Variants in SDK1 observed in about 807,000 individuals in gnomAD.
SDK1 encodes the protein sidekick cell adhesion molecule 1, also known as protein sidekick-1.
In SDK1, 157 loss-of-function variants were observed where a neutral mutation model predicts 245.5. That is an observed-to-expected ratio of 0.64 (90% CI 0.56 to 0.73). The LOEUF is 0.73. SDK1 is among the 30% of genes least tolerant of loss of function. SDK1 has a pLI of 0.00. For missense variants in SDK1, 3,583 were observed against 3,002.3 expected, an observed-to-expected ratio of 1.19 and a Z score of -4.52; for synonymous variants, 1,647 against 1,278.5, an observed-to-expected ratio of 1.29 and a Z score of -6.15.
At chr7:3,988,446 A>C (rs1189295847) in intron 14 of SDK1, among the ~76,000 whole-genome samples, 1 of 151,966 alleles carries the variant, frequency 6.6e-6, no homozygotes, top group African/African-American at 2.4e-5. Flanking sequence ...GATCTTCCTG[A>C]GATATACCCA....
At chr7:3,897,847 T>C (rs1781654521) in intron 5 of SDK1, among the ~76,000 whole-genome samples, 1 of 152,136 alleles carries the variant, frequency 6.6e-6, no homozygotes, top group Non-Finnish European at 1.5e-5. Context: ...CATATTCCTT[T>C]CCTTTTTTCT....
chr7:4,195,701 C>T (rs1783536520), intron 35 of SDK1, among the ~76,000 whole-genome samples: 1 of 152,202 alleles, frequency 6.6e-6, no homozygotes, highest in South Asian at 2.1e-4. Flanking sequence ...GTAAATTACT[C>T]CACCTCCCTG....
intron 25 of SDK1, among the ~76,000 whole-genome samples, chr7:4,124,056 C>T (rs1031148735): frequency 5.3e-5 from 8 of 152,240 alleles, no homozygotes; most frequent in Non-Finnish European, 1.5e-5. Context: ...CAGCCGCTGG[C>T]CCTGTTAGGC....
intron 14 of SDK1, among the ~76,000 whole-genome samples, chr7:4,004,320 C>T (rs745517306): frequency 9.2e-5 from 14 of 152,322 alleles, no homozygotes; most frequent in African/African-American, 2.4e-4. Context: ...ATTCAACATG[C>T]AGACTGTTGT....
At chr7:3,869,729 A>T (rs1275600978) in intron 5 of SDK1, among the ~76,000 whole-genome samples, 1 of 152,228 alleles carries the variant, frequency 6.6e-6, no homozygotes, top group Non-Finnish European at 1.5e-5. Flanking sequence ...ACATTGAGAG[A>T]CACTGGCTCT....
chr7:3,335,707 C>T (rs997901719), intron 1 of SDK1, among the ~76,000 whole-genome samples: 1 of 151,974 alleles, frequency 6.6e-6, no homozygotes, highest in Non-Finnish European at 1.5e-5. Context: ...TTCAAATTCA[C>T]AGAAGCAAAA....
intron 1 of SDK1, among the ~76,000 whole-genome samples, chr7:3,411,912 G>A (rs34645214): frequency 0.034 from 5,103 of 152,146 alleles, 121 homozygotes; most frequent in Non-Finnish European, 0.052. Context: ...GGTTCTTACG[G>A]GTATTCCTAG....
intron 22 of SDK1, among the ~76,000 whole-genome samples, chr7:4,083,734 A>C (rs13237058): frequency 0.15 from 607 of 4,108 alleles, 268 homozygotes; most frequent in Middle Eastern, 0.25. Flanking sequence ...TACTTCCTCC[A>C]TCCCTCCCTT....
At chr7:3,602,996 A>C (rs545975840) in intron 1 of SDK1, among the ~76,000 whole-genome samples, 1 of 152,114 alleles carries the variant, frequency 6.6e-6, no homozygotes, top group South Asian at 2.1e-4. Context: ...GTAGATATAC[A>C]TGCAGCATTA....
intron 2 of SDK1, among the ~76,000 whole-genome samples, chr7:3,630,706 G>A (rs1410966371): frequency 6.6e-6 from 1 of 152,052 alleles, no homozygotes; most frequent in Non-Finnish European, 1.5e-5. Flanking sequence ...GGTCTGTAAG[G>A]TCTTTACACT....
At position 3,654,571 on chromosome 7, in the gene SDK1, T is replaced by G. The variant is rs115975131; in HGVS notation, c.713+12466T>G. Among the ~76,000 whole-genome samples the G allele has an allele frequency of 1.6e-3, 244 of 152,326 alleles. 1 individual carries two copies. The highest frequency in any genetic ancestry group is 5.8e-3 in the African/African-American group (240 of 41,572). On this transcript the variant is annotated intron_variant, in intron 4 of 44. Transcript: ENST00000404826. Reference sequence around the variant, plus strand: ...CATCTACACCATCACATGACGCAGTTGGACTTAATGAAGGTCACTCAAGTG... The same window carrying G: ...CATCTACACCATCACATGACGCAGTGGGACTTAATGAAGGTCACTCAAGTG...
intron 40 of SDK1, among the ~76,000 whole-genome samples, chr7:4,225,446 G>C (rs539754967): frequency 5.3e-5 from 8 of 152,162 alleles, no homozygotes; most frequent in Admixed American, 4.6e-4. Flanking sequence ...AGCCAGACAC[G>C]GGTGCCTGGG....
At chr7:3,383,964 A>G (rs1723163214) in intron 1 of SDK1, among the ~76,000 whole-genome samples, 1 of 152,206 alleles carries the variant, frequency 6.6e-6, no homozygotes, top group African/African-American at 2.4e-5. Context: ...ACATTAAAAC[A>G]TTTTATATTT....
chr7:3,923,344 G>T (rs1779659403), intron 5 of SDK1, among the ~76,000 whole-genome samples: 1 of 151,996 alleles, frequency 6.6e-6, no homozygotes, highest in Non-Finnish European at 1.5e-5. Context: ...TAATGAATGT[G>T]CAGGCTGTAT....
intron 17 of SDK1, among the ~76,000 whole-genome samples, chr7:4,031,626 T>C (rs1256333873): frequency 6.6e-6 from 1 of 152,076 alleles, no homozygotes; most frequent in East Asian, 1.9e-4. Context: ...TGTAGAGAAA[T>C]ATATGTAGAT....
At chr7:4,064,781 G>T (rs1050419699) in intron 19 of SDK1, among the ~76,000 whole-genome samples, 4 of 152,080 alleles carry the variant, frequency 2.6e-5, no homozygotes, top group Non-Finnish European at 4.4e-5. Flanking sequence ...GAACTGGAGG[G>T]CATTACATCA....
chr7:3,431,659 A>T lies in SDK1; in HGVS notation c.298+129775A>T, dbSNP rs185909966. On this transcript the variant is annotated intron_variant, in intron 1 of 44. Transcript: ENST00000404826. The stretch of plus-strand genomic sequence containing the variant: ...TAATCTACTTTCAGCTCAGAGAAGC[A>T]GCATAGCCTGGTGGACTAAGGGAGG... Among the ~76,000 whole-genome samples the T allele has an allele frequency of 2.3e-3, 351 of 152,328 alleles. 2 individuals carry two copies. The highest frequency in any genetic ancestry group is 3.6e-3 in the Non-Finnish European group (245 of 68,030).
intron 1 of SDK1, among the ~76,000 whole-genome samples, chr7:3,368,659 A>T (rs776479090): frequency 6.6e-6 from 1 of 152,146 alleles, no homozygotes; most frequent in Non-Finnish European, 1.5e-5. Flanking sequence ...GGGGATCTTT[A>T]TGTGCCCATT....
chr7:4,158,735 C>A (rs1260572366), intron 31 of SDK1, among the ~76,000 whole-genome samples, 184 bp downstream of exon 31: 1 of 152,220 alleles, frequency 6.6e-6, no homozygotes, highest in Non-Finnish European at 1.5e-5. Context: ...ATCAAGGTTT[C>A]AAGGGCTTCC....
Sources: gnomAD v4.1 joint callset for allele counts (sites outside exome capture counted in the v4.1 genomes callset) on GRCh38, gnomAD v4.1.1 for gene constraint, MANE v1.5 for transcripts, NCBI Gene and HGNC (gene_info 2026-07-23, HGNC 2026-07-21) for gene names.